Variants in DAB1 observed in about 807,000 individuals in gnomAD.
DAB1 encodes the protein disabled homolog 1.
DAB1 carries 15 observed loss-of-function variants against 64.6 expected under a neutral mutation model. The ratio of observed to expected loss-of-function variants is 0.23; its 90% CI spans 0.16 to 0.36. The LOEUF (loss-of-function observed/expected upper bound fraction) is 0.36. DAB1 is among the 10% of genes least tolerant of loss of function. The probability of loss-of-function intolerance (pLI) is 1.00; values close to 1 mark genes in which losing one functional copy is unlikely to be tolerated. For missense variants in DAB1, 596 were observed against 706.7 expected (o/e 0.84, Z 1.78); for synonymous variants, 235 against 251.9 (o/e 0.93, Z 0.64).
chr1:57,683,282 G>A (rs560192938), intron 6 of DAB1, among the ~76,000 whole-genome samples: 4 of 152,108 alleles, frequency 2.6e-5, no homozygotes, highest in Non-Finnish European at 5.9e-5. Flanking sequence ...CTCTGCCCGA[G>A]CGAGCCCCAC....
rs146873026 is a variant in DAB1, at chr1:57,444,825, C to T, written n.626-153659G>A. 4.0e-4 allele frequency among the ~76,000 whole-genome samples: 61 copies of T among 152,226 alleles called. No individual in the cohort carries two copies. In the East Asian group the frequency reaches 8.9e-3, roughly 22 times the overall value. ...CAGCCCCTTGATTTCAGAATTCTGT[C>T]CTGCAAAACTATGAGAGAACACGTC... On this transcript the variant is annotated intron_variant and non_coding_transcript_variant, in intron 7 of 20. Transcript: ENST00000485760.
chr1:57,142,850 C>T (rs530635393), intron 3 of DAB1, among the ~76,000 whole-genome samples: 47 of 152,240 alleles, frequency 3.1e-4, no homozygotes, highest in African/African-American at 9.9e-4. Context: ...TTCTCCTCCT[C>T]AGCAGATTTG....
intron 2 of DAB1, among the ~76,000 whole-genome samples, chr1:58,524,518 G>A (rs1646319287): frequency 6.6e-6 from 1 of 152,160 alleles, no homozygotes; most frequent in South Asian, 2.1e-4. Flanking sequence ...CACATAAAAG[G>A]TGCATCTTCT....
At chr1:57,614,914 A>G (rs1570675770) in intron 7 of DAB1, among the ~76,000 whole-genome samples, 1 of 120,750 alleles carries the variant, frequency 8.3e-6, no homozygotes, top group Non-Finnish European at 1.6e-5. Context: ...TCTGTCGCCC[A>G]GGCTAGAGTG....
chr1:57,449,117 G>A (rs575791615), intron 7 of DAB1, among the ~76,000 whole-genome samples: 6 of 152,188 alleles, frequency 3.9e-5, no homozygotes, highest in East Asian at 1.9e-4. Flanking sequence ...GCCCCTGCCC[G>A]TTGTTATAAA....
At chr1:57,567,360 C>G (rs556001134) in intron 7 of DAB1, among the ~76,000 whole-genome samples, 3 of 152,254 alleles carry the variant, frequency 2.0e-5, no homozygotes, top group East Asian at 3.9e-4. Flanking sequence ...CCTTTGAAAA[C>G]TGGCACAAGA....
chr1:58,513,062 C>G (rs1406917589), intron 2 of DAB1, among the ~76,000 whole-genome samples: 1 of 152,144 alleles, frequency 6.6e-6, no homozygotes, highest in Non-Finnish European at 1.5e-5. Context: ...TGTCCCCACC[C>G]AAATCTCGTC....
At chr1:57,775,093 T>C (rs1649731642) in intron 6 of DAB1, among the ~76,000 whole-genome samples, 1 of 151,632 alleles carries the variant, frequency 6.6e-6, no homozygotes, top group South Asian at 2.1e-4. Flanking sequence ...CTAACATTTA[T>C]AGTATCTATG....
At chr1:58,489,159 G>A (rs1645630240) in intron 3 of DAB1, among the ~76,000 whole-genome samples, 1 of 152,232 alleles carries the variant, frequency 6.6e-6, no homozygotes, top group African/African-American at 2.4e-5. Context: ...TGTCACCCGG[G>A]AAGTGCAACG....
intron 3 of DAB1, among the ~76,000 whole-genome samples, chr1:58,435,320 A>G (rs924503480): frequency 6.6e-6 from 1 of 151,928 alleles, no homozygotes; most frequent in Admixed American, 6.6e-5. Context: ...TGTATACTCA[A>G]TTGCTGATGT....
chr1:57,947,186 C>G (rs1042910740), intron 5 of DAB1, among the ~76,000 whole-genome samples: 1 of 152,120 alleles, frequency 6.6e-6, no homozygotes, highest in Non-Finnish European at 1.5e-5. Context: ...ACAGGTAGAG[C>G]AGGGACTGGA....
At chr1:57,666,988 C>T (rs1646456566) in intron 6 of DAB1, among the ~76,000 whole-genome samples, 1 of 152,026 alleles carries the variant, frequency 6.6e-6, no homozygotes, top group South Asian at 2.1e-4. Flanking sequence ...TTCTGGCTAC[C>T]TCCCTAACTT....
intron 5 of DAB1, among the ~76,000 whole-genome samples, chr1:57,895,494 T>TG (rs1397817554): frequency 6.6e-6 from 1 of 152,198 alleles, no homozygotes; most frequent in Non-Finnish European, 1.5e-5. Flanking sequence ...TACTTTTCAC[T>TG]GGGTTCTCTG....
chr1:57,800,488 G>A lies in DAB1; in HGVS notation n.551+83511C>T, dbSNP rs77895146. ...AATATTCTGCCATCACTCTTGATGT[G>A]GTAATTGTGCCACTTGGGCTCCCAA... On this transcript the variant is annotated intron_variant and non_coding_transcript_variant, in intron 6 of 20. Coordinates refer to the DAB1 transcript ENST00000485760. Among the ~76,000 whole-genome samples, 525 of 152,230 alleles carry A rather than the reference G, an allele frequency of 3.4e-3. 4 individuals are homozygous for A. Among genetic ancestry groups the A allele is most frequent in the African/African-American group, 0.012 (506 of 41,546 alleles).
chr1:57,008,504 G>A (rs1485244792), intron 14 of DAB1, among the ~76,000 whole-genome samples: 1 of 152,170 alleles, frequency 6.6e-6, no homozygotes, highest in African/African-American at 2.4e-5. Context: ...TATACACAGT[G>A]CTAAGAGCTT....
At chr1:57,584,543 G>A (rs958577051) in intron 7 of DAB1, among the ~76,000 whole-genome samples, 2 of 152,140 alleles carry the variant, frequency 1.3e-5, no homozygotes, top group African/African-American at 4.8e-5. Context: ...TGCTTCCAGT[G>A]ACCTGGGCTC....
chr1:58,153,831 T>A (rs1217237050), intron 4 of DAB1, among the ~76,000 whole-genome samples: 2 of 148,918 alleles, frequency 1.3e-5, no homozygotes, highest in South Asian at 4.4e-4. Context: ...TTCTCCTGAA[T>A]GGCCTCCACC....
rs1485870856 is a variant in DAB1 at position 58,013,299 on chromosome 1, A to G, written n.388-129137T>C. 2.0e-5 allele frequency among the ~76,000 whole-genome samples: 3 copies of G among 152,200 alleles called. No individual in the cohort carries two copies. The East Asian group carries it at 5.8e-4, about 29-fold the overall frequency. ...AAAAAAGTGGGCATGAGAACTCCCAAGTGGTGTAATGTATTGTTTCCCATT... is the reference window on the plus strand; with the variant it reads ...AAAAAAGTGGGCATGAGAACTCCCAGGTGGTGTAATGTATTGTTTCCCATT... On this transcript the variant is annotated intron_variant and non_coding_transcript_variant, in intron 5 of 20. Coordinates refer to the DAB1 transcript ENST00000485760.
At chr1:58,143,902 G>T (rs1654448808) in intron 5 of DAB1, among the ~76,000 whole-genome samples, 1 of 152,156 alleles carries the variant, frequency 6.6e-6, no homozygotes, top group Admixed American at 6.6e-5. Context: ...CACACAACCA[G>T]ATTTTAACTG....
Sources: allele counts gnomAD v4.1 joint callset (sites outside exome capture counted in the v4.1 genomes callset), GRCh38; gene constraint gnomAD v4.1.1; transcripts MANE v1.5; gene names NCBI Gene and HGNC (gene_info 2026-07-23, HGNC 2026-07-21).